ZNF385D: variants seen among roughly 807,000 people sequenced by gnomAD.
The protein encoded by ZNF385D is zinc finger protein 385D, also known as zinc finger protein 659.
ZNF385D carries 15 observed loss-of-function variants against 35.8 expected under a neutral mutation model. The ratio of observed to expected loss-of-function variants is 0.42; its 90% CI spans 0.28 to 0.64. The LOEUF (loss-of-function observed/expected upper bound fraction) is 0.64. ZNF385D is among the 30% of genes least tolerant of loss of function. The pLI is 0.23. For synonymous variants in ZNF385D, 212 were observed against 186.8 expected, an observed-to-expected ratio of 1.13 and a Z score of -1.10; for missense variants, 474 against 494.6, an observed-to-expected ratio of 0.96 and a Z score of 0.39.
At chr3:22,339,084 C>T (rs1380117180) in intron 2 of ZNF385D, among the ~76,000 whole-genome samples, 2 of 152,154 alleles carry the variant, frequency 1.3e-5, no homozygotes, top group Non-Finnish European at 2.9e-5. Context: ...AATGTGTGTG[C>T]ATACACACAT....
chr3:22,276,658 T>A (rs561369573), intron 2 of ZNF385D, among the ~76,000 whole-genome samples: 1 of 152,278 alleles, frequency 6.6e-6, no homozygotes, highest in Non-Finnish European at 1.5e-5. Flanking sequence ...ATTTTACCAA[T>A]CATCATCATG....
chr3:21,455,404 C>T (rs1484114569), intron 4 of ZNF385D, among the ~76,000 whole-genome samples: 12 of 152,240 alleles, frequency 7.9e-5, no homozygotes, highest in East Asian at 3.9e-4. Flanking sequence ...ACCAATGGAA[C>T]GGAACAGAGC....
chr3:21,925,162 A>G (rs1700665877), intron 3 of ZNF385D, among the ~76,000 whole-genome samples: 1 of 152,186 alleles, frequency 6.6e-6, no homozygotes, highest in Admixed American at 6.5e-5. Flanking sequence ...TTTGAAATAT[A>G]TATGGAAGGC....
intron 2 of ZNF385D, among the ~76,000 whole-genome samples, chr3:22,341,004 T>C (rs1575155093): frequency 6.6e-6 from 1 of 152,292 alleles, no homozygotes; most frequent in East Asian, 1.9e-4. Flanking sequence ...GATAACTTCA[T>C]CACCATTAAG....
chr3:21,919,810 G>C (rs1700365568), intron 3 of ZNF385D, among the ~76,000 whole-genome samples: 1 of 152,136 alleles, frequency 6.6e-6, no homozygotes, highest in Admixed American at 6.5e-5. Flanking sequence ...CTTCCATTTT[G>C]ATATTATTAA....
At chr3:22,093,939 A>C (rs1701465418) in intron 3 of ZNF385D, among the ~76,000 whole-genome samples, 1 of 152,098 alleles carries the variant, frequency 6.6e-6, no homozygotes. Context: ...CTAGCACTCC[A>C]AACAGCTCCC....
intron 3 of ZNF385D, among the ~76,000 whole-genome samples, chr3:21,887,961 CCTAA>C (rs1374846449): frequency 2.0e-5 from 3 of 152,064 alleles, no homozygotes; most frequent in East Asian, 1.9e-4. Context: ...TGTAAAATAA[CCTAA>C]CTACTTACTA....
At chr3:21,740,925 C>A (rs529251416) in intron 1 of ZNF385D, among the ~76,000 whole-genome samples, 6 of 152,272 alleles carry the variant, frequency 3.9e-5, no homozygotes, top group African/African-American at 1.2e-4. Context: ...ACCGGGATAG[C>A]GCTTTGACAT....
At chr3:21,974,695 A>T (rs1703481295) in intron 3 of ZNF385D, among the ~76,000 whole-genome samples, 1 of 152,208 alleles carries the variant, frequency 6.6e-6, no homozygotes, top group South Asian at 2.1e-4. Flanking sequence ...TACTAACCAG[A>T]ATATATAAGG....
At chr3:22,278,937 T>TCGCTGGGTTCCCTTACC (rs1242499268) in intron 2 of ZNF385D, among the ~76,000 whole-genome samples, 1 of 152,068 alleles carries the variant, frequency 6.6e-6, no homozygotes, top group Non-Finnish European at 1.5e-5. Context: ...CAGCCCTTAC[T>TCGCTGGGTTCCCTTACC]CGCTGGGTTC....
intron 3 of ZNF385D, among the ~76,000 whole-genome samples, chr3:22,031,278 C>T (rs1457016101): frequency 6.6e-6 from 1 of 152,206 alleles, no homozygotes; most frequent in East Asian, 1.9e-4. Context: ...GGCTCCAAGC[C>T]CACATTTCCC....
At chr3:21,981,742 T>C (rs972961857) in intron 3 of ZNF385D, among the ~76,000 whole-genome samples, 1 of 152,130 alleles carries the variant, frequency 6.6e-6, no homozygotes, top group Non-Finnish European at 1.5e-5. Flanking sequence ...TTTTTGTGTA[T>C]GGTGTATGGA....
intron 4 of ZNF385D, among the ~76,000 whole-genome samples, chr3:21,440,391 A>G (rs942082169): frequency 2.0e-5 from 3 of 152,114 alleles, no homozygotes; most frequent in Admixed American, 6.6e-5. Context: ...ACTTAAGGAC[A>G]TTTATCAAAT....
intron 4 of ZNF385D, among the ~76,000 whole-genome samples, chr3:21,498,988 G>A (rs1202957011): frequency 1.4e-5 from 2 of 148,132 alleles, no homozygotes; most frequent in Non-Finnish European, 3.0e-5. Context: ...AATAACAGAT[G>A]CTGGCAAGGT....
chr3:22,045,903 C>G (rs1428988818), intron 3 of ZNF385D, among the ~76,000 whole-genome samples: 1 of 151,976 alleles, frequency 6.6e-6, no homozygotes, highest in Non-Finnish European at 1.5e-5. Flanking sequence ...TAATGGAGAT[C>G]TAAACAAATT....
chr3:22,102,235 C>A (rs568075469), intron 3 of ZNF385D, among the ~76,000 whole-genome samples: 1 of 152,046 alleles, frequency 6.6e-6, no homozygotes, highest in Non-Finnish European at 1.5e-5. Context: ...TTTTTTTGAG[C>A]ACTTGCTATT....
chr3:21,558,957 T>G lies in ZNF385D; in HGVS notation c.276+5617A>C, dbSNP rs139655710. Among the ~76,000 whole-genome samples the G allele has an allele frequency of 9.0e-4, 137 of 152,046 alleles. 2 individuals are homozygous for G. In the East Asian group the frequency reaches 0.024, roughly 27 times the overall value. On this transcript the variant is annotated intron_variant, in intron 3 of 7. Transcript: ENST00000281523. ...GTTTGATCTTTGTTGGTTTAAAGTCTGTTTTATCAGATACTAGGATTGCAA... is the reference window on the plus strand; with the variant it reads ...GTTTGATCTTTGTTGGTTTAAAGTCGGTTTTATCAGATACTAGGATTGCAA...
At chr3:21,936,560 A>G (rs1209420315) in intron 3 of ZNF385D, among the ~76,000 whole-genome samples, 1 of 152,074 alleles carries the variant, frequency 6.6e-6, no homozygotes, top group African/African-American at 2.4e-5. Context: ...ATTTATCATA[A>G]TTTATAATTA....
chr3:21,740,532 G>A (rs1490958866), intron 1 of ZNF385D, among the ~76,000 whole-genome samples: 3 of 152,128 alleles, frequency 2.0e-5, no homozygotes, highest in Non-Finnish European at 4.4e-5. Context: ...CTCTATAAAG[G>A]ATCCCAAGTA....
Sources: gnomAD v4.1 joint callset for allele counts (sites outside exome capture counted in the v4.1 genomes callset) on GRCh38, gnomAD v4.1.1 for gene constraint, MANE v1.5 for transcripts, NCBI Gene and HGNC (gene_info 2026-07-23, HGNC 2026-07-21) for gene names.